ZNF184: variants seen among roughly 807,000 people sequenced by gnomAD.
The protein encoded by ZNF184 is zinc finger protein 184.
In ZNF184, 16 loss-of-function variants were observed where a neutral mutation model predicts 54.4. That is an observed-to-expected ratio of 0.29 (90% CI 0.20 to 0.45). The LOEUF is 0.45. ZNF184 is among the 20% of genes least tolerant of loss of function. The pLI, the probability that ZNF184 is intolerant of heterozygous loss-of-function variation, is 1.00. For synonymous variants in ZNF184, 254 were observed against 295.3 expected (o/e 0.86, Z 1.43); for missense variants, 681 against 888.2 (o/e 0.77, Z 2.97).
Position 27,472,234 on chromosome 6 carries a change from A to T in ZNF184, c.7+54T>A, listed in dbSNP as rs1763293780. ...ATCTCAAGTATTTGATACTCCAGTC[A>T]TGACTGTTCTCAAGCCTCCATCACC... On this transcript the variant is annotated intron_variant, in intron 2 of 5. Coordinates refer to ENST00000683788, the MANE Select transcript of ZNF184 (RefSeq NM_001318891.2). This position sits in a 1 kb window ranked among gnomAD's most constrained non-coding sequence, Gnocchi z 4.8. 4.3e-6 allele frequency: 7 copies of T among 1,611,646 alleles called. No individual in the cohort carries two copies. Among genetic ancestry groups the T allele is most frequent in the Non-Finnish European group, 5.9e-6 (7 of 1,178,340 alleles).
the ZNF184 span, among the ~76,000 whole-genome samples, chr6:27,428,736 A>G: frequency 1.1e-4 from 16 of 152,232 alleles, no homozygotes; most frequent in African/African-American, 3.9e-4. The surrounding 1 kb of genome is among the most constrained non-coding windows in gnomAD (Gnocchi z 4.1). Flanking sequence ...CTGTGGTACT[A>G]CTAACCAGTT....
chr6:27,423,125 G>A, the ZNF184 span, among the ~76,000 whole-genome samples: 1 of 152,190 alleles, frequency 6.6e-6, no homozygotes. Context: ...CTCAGTCTGC[G>A]AACTACAATT....
the ZNF184 span, among the ~76,000 whole-genome samples, chr6:27,428,508 C>T: frequency 6.6e-6 from 1 of 152,226 alleles, no homozygotes; most frequent in Non-Finnish European, 1.5e-5. This position sits in a 1 kb window ranked among gnomAD's most constrained non-coding sequence, Gnocchi z 4.1. Flanking sequence ...GGACACAAGA[C>T]ATGTCTGCTG....
the ZNF184 span, among the ~76,000 whole-genome samples, chr6:27,426,534 G>T: frequency 6.6e-6 from 1 of 152,126 alleles, no homozygotes; most frequent in African/African-American, 2.4e-5. This position sits in a 1 kb window ranked among gnomAD's most constrained non-coding sequence, Gnocchi z 4.2. Flanking sequence ...AACTGCCAGA[G>T]ATACCATTTC....
At chr6:27,424,136 G>T in the ZNF184 span, among the ~76,000 whole-genome samples, 1 of 152,152 alleles carries the variant, frequency 6.6e-6, no homozygotes, top group Non-Finnish European at 1.5e-5. Context: ...TGGTCTCCCT[G>T]GCTCAGAAGT....
At chr6:27,429,271 C>T in the ZNF184 span, among the ~76,000 whole-genome samples, 2 of 152,160 alleles carry the variant, frequency 1.3e-5, no homozygotes, top group Non-Finnish European at 2.9e-5. Context: ...CATTCTTTGC[C>T]TCTCTTCCTT....
chr6:27,442,128 G>A, the ZNF184 span, among the ~76,000 whole-genome samples: 342 of 152,176 alleles, frequency 2.2e-3, 1 homozygote, highest in African/African-American at 7.9e-3. Flanking sequence ...CATGGGCCCC[G>A]TGCCCTTCTA....
At chr6:27,465,354 A>G (rs1763105632) in intron 3 of ZNF184, among the ~76,000 whole-genome samples, 3 of 150,098 alleles carry the variant, frequency 2.0e-5, no homozygotes, top group Middle Eastern at 3.4e-3. Flanking sequence ...GCATGGTGGC[A>G]GGTGCCTGTA....
the ZNF184 span, among the ~76,000 whole-genome samples, chr6:27,423,838 TTC>T: frequency 6.6e-6 from 1 of 152,260 alleles, no homozygotes; most frequent in African/African-American, 2.4e-5. Flanking sequence ...GATGTTAATA[TTC>T]TTTTACAATG....
chr6:27,444,996 G>T, the ZNF184 span, among the ~76,000 whole-genome samples: 2 of 152,182 alleles, frequency 1.3e-5, no homozygotes, highest in African/African-American at 2.4e-5. Context: ...TCTCAAACAT[G>T]GGTGGTGGGA....
At chr6:27,425,671 T>C in the ZNF184 span, among the ~76,000 whole-genome samples, 2 of 152,230 alleles carry the variant, frequency 1.3e-5, no homozygotes, top group Non-Finnish European at 2.9e-5. Flanking sequence ...TTAGAACAAG[T>C]GAAACCAGCT....
the ZNF184 span, among the ~76,000 whole-genome samples, chr6:27,408,362 T>C: frequency 1.3e-5 from 2 of 152,030 alleles, no homozygotes; most frequent in African/African-American, 4.8e-5. Context: ...GCTTTGCCAA[T>C]TGGACGTTTT....
the ZNF184 span, among the ~76,000 whole-genome samples, chr6:27,436,256 C>T: frequency 6.6e-6 from 1 of 152,102 alleles, no homozygotes; most frequent in Non-Finnish European, 1.5e-5. Context: ...CTCCGCCTCC[C>T]AGGTTCAAGC....
the ZNF184 span, among the ~76,000 whole-genome samples, chr6:27,416,418 A>T: frequency 6.6e-6 from 1 of 152,344 alleles, no homozygotes; most frequent in East Asian, 1.9e-4. Flanking sequence ...TAGCATGGAT[A>T]TCTGTTACCA....
At chr6:27,436,199 G>GA in the ZNF184 span, among the ~76,000 whole-genome samples, 3 of 151,912 alleles carry the variant, frequency 2.0e-5, no homozygotes, top group Non-Finnish European at 4.4e-5. Flanking sequence ...TTCTGAGACT[G>GA]AGTCTCACTC....
the ZNF184 span, among the ~76,000 whole-genome samples, chr6:27,434,840 T>G: frequency 6.6e-6 from 1 of 152,214 alleles, no homozygotes; most frequent in Non-Finnish European, 1.5e-5. Context: ...TAGTGTGGTG[T>G]AGGTAAGGGT....
At chr6:27,466,433 T>C (rs1412279631) in intron 3 of ZNF184, among the ~76,000 whole-genome samples, 5 of 152,102 alleles carry the variant, frequency 3.3e-5, no homozygotes, top group Non-Finnish European at 1.5e-5. Context: ...TATAAAACAA[T>C]AGCAAAACAT....
downstream of ZNF184, among the ~76,000 whole-genome samples, chr6:27,446,866 C>T (rs138081797): frequency 2.4e-4 from 37 of 152,254 alleles, no homozygotes; most frequent in East Asian, 7.1e-3. Context: ...TAATGTTGGC[C>T]AGGCACAGTG....
At chr6:27,414,278 C>T in the ZNF184 span, among the ~76,000 whole-genome samples, 4 of 152,174 alleles carry the variant, frequency 2.6e-5, no homozygotes, top group African/African-American at 7.2e-5. Context: ...CCACCCCCAT[C>T]GCTCATACAG....
Sources: allele counts gnomAD v4.1 joint callset (sites outside exome capture counted in the v4.1 genomes callset), GRCh38; gene constraint gnomAD v4.1.1; non-coding constraint Gnocchi (gnomAD v3.1); transcripts MANE v1.5; gene names NCBI Gene and HGNC (gene_info 2026-07-23, HGNC 2026-07-21).